BAZ1A: variants seen among roughly 807,000 people sequenced by gnomAD.
The protein encoded by BAZ1A is bromodomain adjacent to zinc finger domain protein 1A.
BAZ1A carries 50 observed loss-of-function variants against 185.2 expected under a neutral mutation model. That is an observed-to-expected ratio of 0.27 (90% CI 0.22 to 0.34). The LOEUF (loss-of-function observed/expected upper bound fraction) is 0.34, where lower values mean the gene tolerates loss of function less well. Ranked by LOEUF, BAZ1A falls within the 10% of genes least tolerant of loss-of-function variation. The pLI is 1.00. For missense variants in BAZ1A, 1,356 were observed against 1,839.9 expected (o/e 0.74, Z 4.81); for synonymous variants, 571 against 615.6 (o/e 0.93, Z 1.07).
chr14:34,802,947 A>G lies in BAZ1A; in HGVS notation c.768T>C (p.Phe256=), dbSNP rs1404545214. 12 of 1,612,726 alleles carry G rather than the reference A, an allele frequency of 7.4e-6. No homozygotes were observed. The highest frequency in any genetic ancestry group is 1.0e-5 in the Non-Finnish European group (12 of 1,178,706). Residue 256 remains phenylalanine (F), a synonymous_variant, in exon 7 of 27, where the codon TTT becomes TTC. Coordinates refer to ENST00000360310, the MANE Select transcript of BAZ1A (RefSeq NM_013448.3). ...LSTYKIAEQD[F]SYFFPDDPPT... is the part of the protein sequence containing the mutation. ...GTGGATCATCAGGGAAGAAATAAGA[A>G]AAATCTTGTTCTGCTATTTTATACG...
At chr14:34,830,651 T>C (rs1455022284) in intron 3 of BAZ1A, among the ~76,000 whole-genome samples, 4 of 151,990 alleles carry the variant, frequency 2.6e-5, no homozygotes, top group Admixed American at 2.6e-4. Flanking sequence ...AATTTTATGG[T>C]ATGTGAAATA....
At chr14:34,872,318 T>C (rs2042961002) in intron 2 of BAZ1A, among the ~76,000 whole-genome samples, 1 of 152,314 alleles carries the variant, frequency 6.6e-6, no homozygotes, top group African/African-American at 2.4e-5. Flanking sequence ...AAGATAAGAC[T>C]AGGCTTGGTG....
At chr14:34,864,776 A>ATT (rs35276443) in intron 2 of BAZ1A, among the ~76,000 whole-genome samples, 1,746 of 140,474 alleles carry the variant, frequency 0.012, 28 homozygotes, top group African/African-American at 0.039. Context: ...AGCGCAATAA[A>ATT]TTTTTTTTTT....
intron 5 of BAZ1A, among the ~76,000 whole-genome samples, chr14:34,808,355 G>A (rs945428273): frequency 1.7e-4 from 26 of 151,826 alleles, no homozygotes; most frequent in African/African-American, 6.3e-4. Flanking sequence ...AAATTAGCTG[G>A]GCGGTAGTGG....
intron 3 of BAZ1A, among the ~76,000 whole-genome samples, chr14:34,838,086 T>A (rs1256205764): frequency 6.6e-6 from 1 of 152,126 alleles, no homozygotes; most frequent in African/African-American, 2.4e-5. Flanking sequence ...AAAGCCTGAG[T>A]TCCTGACAAC....
At chr14:34,795,000 G>T in intron 10 of BAZ1A, 113 bp from the exon 11 acceptor site, 1 of 1,359,050 alleles carries the variant, frequency 7.4e-7, no homozygotes, top group Non-Finnish European at 9.8e-7. Context: ...GTAAGCTACT[G>T]GTTCTCAACC....
At chr14:34,862,020 G>A (rs1209282385) in intron 3 of BAZ1A, 24 bp downstream of exon 3, 2 of 1,604,196 alleles carry the variant, frequency 1.2e-6, no homozygotes, top group African/African-American at 1.3e-5. Flanking sequence ...AACTTACCAA[G>A]AGGAAAAATT....
At chr14:34,753,734 A>G in intron 26 of BAZ1A, 30 bp from the exon 27 acceptor site, 1 of 1,482,632 alleles carries the variant, frequency 6.7e-7, no homozygotes, top group South Asian at 1.4e-5. Context: ...AAAAGATTAG[A>G]ATGAAAGTAC....
intron 24 of BAZ1A, among the ~76,000 whole-genome samples, chr14:34,759,183 T>TTTTTTTTTTTTTTTTG (rs1886407659): frequency 8.3e-6 from 1 of 120,962 alleles, no homozygotes; most frequent in African/African-American, 3.5e-5. Flanking sequence ...TTTTTTTTTT[T>TTTTTTTTTTTTTTTTG]TTTTTTTTTT....
chr14:34,844,163 G>A (rs2042464647), intron 3 of BAZ1A, among the ~76,000 whole-genome samples: 1 of 137,902 alleles, frequency 7.3e-6, no homozygotes, highest in African/African-American at 2.8e-5. Context: ...CAGAGATCGC[G>A]CCACTGCACT....
chr14:34,875,018 G>C (rs1484461757), intron 1 of BAZ1A, 120 bp downstream of exon 1: 3 of 163,448 alleles, frequency 1.8e-5, no homozygotes, highest in South Asian at 1.3e-4. Context: ...CAGCTGGCCG[G>C]CCGGCCAGCC....
intron 3 of BAZ1A, among the ~76,000 whole-genome samples, chr14:34,842,024 A>C (rs943175538): frequency 1.3e-5 from 2 of 152,176 alleles, no homozygotes; most frequent in African/African-American, 4.8e-5. Flanking sequence ...ATAAATATCT[A>C]AAATTATCCT....
chr14:34,836,586 G>A (rs1206353454), intron 3 of BAZ1A, among the ~76,000 whole-genome samples: 4 of 151,732 alleles, frequency 2.6e-5, no homozygotes, highest in African/African-American at 7.3e-5. Context: ...TGAATCTATA[G>A]CATACTTCAC....
chr14:34,767,674 C>T (rs1288337854), intron 21 of BAZ1A, among the ~76,000 whole-genome samples: 1 of 152,096 alleles, frequency 6.6e-6, no homozygotes, highest in East Asian at 1.9e-4. Context: ...AAAGTTCTGG[C>T]CTGAGCAGGG....
At chr14:34,783,048 A>C in intron 16 of BAZ1A, 71 bp downstream of exon 16, 2 of 1,168,440 alleles carry the variant, frequency 1.7e-6, no homozygotes, top group Non-Finnish European at 2.5e-6. Context: ...AAGCATTTTT[A>C]GAGTTTAAGG....
chr14:34,783,392 G>T, intron 15 of BAZ1A, among the ~76,000 whole-genome samples, 160 bp from the exon 16 acceptor site: 1 of 121,196 alleles, frequency 8.3e-6, no homozygotes, highest in Non-Finnish European at 1.6e-5. Context: ...TTTTGAGACA[G>T]AGTTTCACTC....
chr14:34,817,097 T>C (rs2042017646), intron 4 of BAZ1A, among the ~76,000 whole-genome samples: 1 of 152,166 alleles, frequency 6.6e-6, no homozygotes, highest in African/African-American at 2.4e-5. Flanking sequence ...CCTAATCCTC[T>C]TTACCTCAAT....
intron 4 of BAZ1A, among the ~76,000 whole-genome samples, chr14:34,811,687 A>G (rs2041932589): frequency 6.6e-6 from 1 of 152,162 alleles, no homozygotes; most frequent in African/African-American, 2.4e-5. Flanking sequence ...CCATTCTATT[A>G]GCCAAAACAG....
rs780647874 is a variant in BAZ1A, at chr14:34,754,710, C to T, written c.4474+117G>A. On this transcript the variant is annotated intron_variant, in intron 26 of 26. Coordinates refer to ENST00000360310, the MANE Select transcript of BAZ1A (RefSeq NM_013448.3). ...CCATCTACACAACTACATCAACACA[C>T]ATCCTTTTAGTAACAGAAAAACAGC... 2.0e-4 allele frequency: 125 copies of T among 629,868 alleles called. 1 individual carries two copies. The highest frequency in any genetic ancestry group is 3.1e-4 in the Non-Finnish European group (115 of 376,426). 39.0% of individuals were successfully genotyped at this position (629,868 alleles called of 1,614,324 possible). A position where few individuals can be genotyped will look rare whatever the true frequency, so the allele number is the denominator to read the frequency against.
Sources: allele counts gnomAD v4.1 joint callset (sites outside exome capture counted in the v4.1 genomes callset), GRCh38; gene constraint gnomAD v4.1.1; transcripts MANE v1.5; gene names NCBI Gene and HGNC (gene_info 2026-07-23, HGNC 2026-07-21).